GPM6A: variants seen among roughly 807,000 people sequenced by gnomAD.
The protein encoded by GPM6A is glycoprotein M6A.
GPM6A carries 7 observed loss-of-function variants against 32.1 expected under a neutral mutation model. The ratio of observed to expected loss-of-function variants is 0.22; its 90% CI spans 0.12 to 0.41. The LOEUF is 0.41. GPM6A is among the 10% of genes least tolerant of loss of function. The probability of loss-of-function intolerance (pLI) is 1.00; values close to 1 mark genes in which losing one functional copy is unlikely to be tolerated. For synonymous variants in GPM6A, 130 were observed against 123.4 expected (o/e 1.05, Z -0.35); for missense variants, 235 against 347.2 (o/e 0.68, Z 2.57).
chr4:175,637,313 A>T lies in GPM6A; in HGVS notation c.685-2256T>A, dbSNP rs866309223. Among the ~76,000 whole-genome samples, 28 of 47,640 alleles carry T rather than the reference A, an allele frequency of 5.9e-4. 2 individuals carry two copies. Among genetic ancestry groups the T allele is most frequent in the African/African-American group, 2.0e-3 (23 of 11,362 alleles). The allele number at this position is 47,640 out of a possible 152,430, so 31.3% of individuals were successfully genotyped here. On this transcript the variant is annotated intron_variant, in intron 6 of 6. Coordinates refer to ENST00000393658, the MANE Select transcript of GPM6A (RefSeq NM_201591.3). ...AAATATATATTATATATTATATATA[A>T]TATAAAATATATATTATATATTATA...
intron 1 of GPM6A, among the ~76,000 whole-genome samples, chr4:175,725,316 G>C (rs1345185830): frequency 3.4e-5 from 5 of 146,212 alleles, no homozygotes; most frequent in Non-Finnish European, 6.0e-5. Context: ...TTTTGCAACA[G>C]AGTCTTGCTC....
At chr4:175,763,457 T>G (rs1218236656) in intron 1 of GPM6A, among the ~76,000 whole-genome samples, 2 of 152,186 alleles carry the variant, frequency 1.3e-5, no homozygotes, top group Non-Finnish European at 2.9e-5. Flanking sequence ...CTTTGACTAA[T>G]TTACTAAAAT....
intron 1 of GPM6A, among the ~76,000 whole-genome samples, chr4:175,872,177 A>G (rs949644864): frequency 3.3e-5 from 5 of 152,188 alleles, no homozygotes; most frequent in African/African-American, 9.7e-5. Flanking sequence ...ATTTTTGCAC[A>G]GTTTACAGAG....
intron 1 of GPM6A, among the ~76,000 whole-genome samples, chr4:175,836,358 T>C (rs1218056455): frequency 6.6e-6 from 1 of 152,014 alleles, no homozygotes; most frequent in Non-Finnish European, 1.5e-5. Flanking sequence ...TGTCAGAAAT[T>C]TTTTTTAGGT....
chr4:176,001,340 G>T lies in GPM6A; in HGVS notation c.-23+969C>A, dbSNP rs1158753598. On this transcript the variant is annotated intron_variant, in intron 1 of 7. Transcript: ENST00000280187. ...GAGTAACTCGGGCTGCGGGCTGAAC[G>T]CAGTCGGCAACCGCGGAAGAGCAGC... Among the ~76,000 whole-genome samples the T allele has an allele frequency of 1.2e-4, 19 of 152,120 alleles. 1 individual carries two copies. Among genetic ancestry groups the T allele is most frequent in the Admixed American group, 1.2e-3 (19 of 15,272 alleles).
intron 1 of GPM6A, among the ~76,000 whole-genome samples, chr4:175,892,518 C>T (rs1391652559): frequency 6.6e-6 from 1 of 152,142 alleles, no homozygotes; most frequent in Non-Finnish European, 1.5e-5. Context: ...ACTTCTTATA[C>T]TTATTGTTCA....
intron 1 of GPM6A, among the ~76,000 whole-genome samples, chr4:175,900,405 TAAG>T (rs1221081305): frequency 2.1e-4 from 31 of 145,568 alleles, no homozygotes; most frequent in Middle Eastern, 7.2e-3. Flanking sequence ...CCAGAATATA[TAAG>T]AAGCTCTATA....
chr4:175,925,831 C>CT lies in GPM6A; in HGVS notation c.-23+76477dup, dbSNP rs201551745. On this transcript the variant is annotated intron_variant, in intron 1 of 7. Coordinates refer to the GPM6A transcript ENST00000280187. ...GTGTATGTATTTATACCCAGATTCT[C>CT]TTTTTTTTCTTTTCTTTTCTTTTTT... is the stretch of plus-strand genomic sequence containing the variant. Among the ~76,000 whole-genome samples, 313 of 147,344 alleles carry CT rather than the reference C, an allele frequency of 2.1e-3. 9 individuals are homozygous for CT. The East Asian group carries it at 0.047, about 22-fold the overall frequency.
intron 1 of GPM6A, among the ~76,000 whole-genome samples, chr4:175,720,909 G>A (rs1181289503): frequency 6.6e-6 from 1 of 151,626 alleles, no homozygotes; most frequent in Non-Finnish European, 1.5e-5. Flanking sequence ...ACTGGTCGCT[G>A]CTGAGGTGTG....
At chr4:175,673,653 A>G (rs1326045191) in intron 3 of GPM6A, 27 bp downstream of exon 3, 2 of 1,545,042 alleles carry the variant, frequency 1.3e-6, no homozygotes, top group African/African-American at 2.7e-5. Flanking sequence ...ATCCACATTA[A>G]ATACTGAATG....
chr4:175,666,397 T>C (rs996142344), intron 3 of GPM6A, among the ~76,000 whole-genome samples: 2 of 152,034 alleles, frequency 1.3e-5, no homozygotes, highest in African/African-American at 2.4e-5. Flanking sequence ...AGAAATGGAG[T>C]CTCAATATGT....
rs1417217665 is a variant in GPM6A, at chr4:175,793,245, ACT to A, written c.37+18944_37+18945del. Reference sequence around the variant, plus strand: ...GGCTTCATACAATATGAATGCTCTTACTCTGAGCTATCCAGGACCCTGTTGGT... The same window carrying A: ...GGCTTCATACAATATGAATGCTCTTACTGAGCTATCCAGGACCCTGTTGGT... On this transcript the variant is annotated intron_variant, in intron 1 of 6. Coordinates refer to ENST00000393658, the MANE Select transcript of GPM6A (RefSeq NM_201591.3). Among the ~76,000 whole-genome samples the A allele has an allele frequency of 3.3e-5, 5 of 152,100 alleles. 1 individual carries two copies. The highest frequency in any genetic ancestry group is 1.2e-4 in the African/African-American group (5 of 41,412).
chr4:176,001,691 A>T (rs1741487363), intron 1 of GPM6A, among the ~76,000 whole-genome samples: 1 of 152,216 alleles, frequency 6.6e-6, no homozygotes, highest in South Asian at 2.1e-4. Context: ...GGTGGAATTT[A>T]GGAAGAATCA....
intron 1 of GPM6A, among the ~76,000 whole-genome samples, chr4:175,923,013 A>G (rs537104727): frequency 9.9e-5 from 15 of 152,190 alleles, no homozygotes; most frequent in African/African-American, 3.4e-4. Context: ...TAACTAAAAT[A>G]TAATCCACGC....
At chr4:175,927,400 A>T (rs1408652628) in intron 1 of GPM6A, among the ~76,000 whole-genome samples, 1 of 152,228 alleles carries the variant, frequency 6.6e-6, no homozygotes, top group African/African-American at 2.4e-5. Context: ...AGATTATGGC[A>T]TTTTTTTAAT....
chr4:175,703,131 A>C (rs895962830), intron 1 of GPM6A, among the ~76,000 whole-genome samples: 1 of 152,168 alleles, frequency 6.6e-6, no homozygotes, highest in African/African-American at 2.4e-5. Flanking sequence ...ACTACTCACT[A>C]CATGTTATCT....
At chr4:175,911,847 T>C (rs534554720) in intron 1 of GPM6A, among the ~76,000 whole-genome samples, 79 of 152,258 alleles carry the variant, frequency 5.2e-4, no homozygotes, top group African/African-American at 1.6e-3. Context: ...TTTTCTCCCC[T>C]TTCAAGTTTA....
At chr4:175,991,906 A>T (rs1241057575) in intron 1 of GPM6A, among the ~76,000 whole-genome samples, 1 of 152,178 alleles carries the variant, frequency 6.6e-6, no homozygotes, top group Non-Finnish European at 1.5e-5. Context: ...TAGAACTTGT[A>T]AAATGATTCC....
chr4:175,686,379 T>G (rs182773888), intron 2 of GPM6A, among the ~76,000 whole-genome samples: 2 of 152,226 alleles, frequency 1.3e-5, no homozygotes, highest in Non-Finnish European at 2.9e-5. Context: ...GGAGTGAATA[T>G]TAACTTTCAT....
Sources: allele counts gnomAD v4.1 joint callset (sites outside exome capture counted in the v4.1 genomes callset), GRCh38; gene constraint gnomAD v4.1.1; transcripts MANE v1.5; gene names NCBI Gene and HGNC (gene_info 2026-07-23, HGNC 2026-07-21).